MAMDC2: variants seen among roughly 807,000 people sequenced by gnomAD.
MAMDC2 encodes MAM domain-containing protein 2.
MAMDC2 carries 57 observed loss-of-function variants against 89.8 expected under a neutral mutation model. The observed-to-expected ratio is 0.63, with a 90% CI of 0.51 to 0.79. The LOEUF (loss-of-function observed/expected upper bound fraction) is 0.79. Among genes scored for constraint, MAMDC2 ranks in the 30% least tolerant of loss-of-function variants. The pLI is 0.00. For synonymous variants in MAMDC2, 313 were observed against 293.4 expected (o/e 1.07, Z -0.68); for missense variants, 800 against 820.6 (o/e 0.97, Z 0.31).
At chr9:70,104,431 T>A (rs966402775) in intron 2 of MAMDC2, among the ~76,000 whole-genome samples, 1 of 152,196 alleles carries the variant, frequency 6.6e-6, no homozygotes, top group African/African-American at 2.4e-5. Context: ...GCCTAACAAT[T>A]CCACTCCTAG....
chr9:70,141,122 A>G (rs1345821532), intron 8 of MAMDC2, among the ~76,000 whole-genome samples: 1 of 152,210 alleles, frequency 6.6e-6, no homozygotes, highest in East Asian at 1.9e-4. Context: ...TACCAGCCTG[A>G]GAAAGGCCTT....
At chr9:70,050,339 G>A (rs540129216) in intron 2 of MAMDC2, among the ~76,000 whole-genome samples, 41 of 152,256 alleles carry the variant, frequency 2.7e-4, no homozygotes, top group African/African-American at 8.7e-4. Context: ...GTTTTCCTAC[G>A]TGCTCCTGGT....
Position 70,125,532 on chromosome 9 carries a change from A to G in MAMDC2, c.644-627A>G, listed in dbSNP as rs527316081. On this transcript the variant is annotated intron_variant, in intron 5 of 13. Transcript: ENST00000377182. ...GCCAGCCTCTGGGTCCAGAGCCCAC[A>G]AAGACCTGCCAAGAGTGGTACCACA... Among the ~76,000 whole-genome samples, 15 of 152,340 alleles carry G rather than the reference A, an allele frequency of 9.8e-5. No homozygotes were observed. In the East Asian group the frequency reaches 2.1e-3, roughly 22 times the overall value.
intron 11 of MAMDC2, among the ~76,000 whole-genome samples, chr9:70,202,277 C>A (rs1177494676): frequency 2.0e-5 from 3 of 151,280 alleles, no homozygotes; most frequent in South Asian, 4.2e-4. Flanking sequence ...TGGTTTCAAA[C>A]AACATCTTTA....
Position 70,116,697 on chromosome 9 carries a change from GAAA to G in MAMDC2, c.643+3580_643+3582del, listed in dbSNP as rs34849432. Among the ~76,000 whole-genome samples the G allele has an allele frequency of 1.8e-3, 205 of 112,862 alleles. 1 individual carries two copies. Among genetic ancestry groups the G allele is most frequent in the African/African-American group, 6.5e-3 (181 of 27,670 alleles). 74.0% of individuals were successfully genotyped at this position (112,862 alleles called of 152,430 possible). A position where few individuals can be genotyped will look rare whatever the true frequency, so the allele number is the denominator to read the frequency against. On this transcript the variant is annotated intron_variant, in intron 5 of 13. Coordinates refer to ENST00000377182, the MANE Select transcript of MAMDC2 (RefSeq NM_153267.5). ...TATAAGCACATAGCATTTGGCATTA[GAAA>G]AAAAAAAAAAAAAAGAGGACTAAAG...
chr9:70,051,175 A>G (rs1288777157), intron 2 of MAMDC2, among the ~76,000 whole-genome samples: 1 of 152,052 alleles, frequency 6.6e-6, no homozygotes, highest in Non-Finnish European at 1.5e-5. Flanking sequence ...ATTTAACCCA[A>G]CTGGGGTGGT....
At chr9:70,174,932 G>A (rs2032451656) in intron 11 of MAMDC2, among the ~76,000 whole-genome samples, 1 of 152,038 alleles carries the variant, frequency 6.6e-6, no homozygotes, top group Non-Finnish European at 1.5e-5. Context: ...TGCCGTGTTG[G>A]TCAGACTGGT....
At chr9:70,156,512 G>T (rs1412815634) in intron 9 of MAMDC2, among the ~76,000 whole-genome samples, 1 of 152,186 alleles carries the variant, frequency 6.6e-6, no homozygotes, top group Non-Finnish European at 1.5e-5. Flanking sequence ...CACTGGAAGA[G>T]AACTGCTTCA....
At chr9:70,117,719 T>C (rs1055353028) in intron 5 of MAMDC2, among the ~76,000 whole-genome samples, 2 of 152,154 alleles carry the variant, frequency 1.3e-5, no homozygotes, top group Non-Finnish European at 2.9e-5. Context: ...AGTAAACTAA[T>C]CCTTGTATGG....
intron 2 of MAMDC2, chr9:70,087,375 G>A (rs2118160158): frequency 6.6e-6 from 1 of 152,262 alleles, no homozygotes; most frequent in South Asian, 2.1e-4. Flanking sequence ...CTCTTTGTAT[G>A]TCTTAGCTCT....
At chr9:70,140,697 A>G (rs1468516269) in intron 8 of MAMDC2, among the ~76,000 whole-genome samples, 1 of 152,186 alleles carries the variant, frequency 6.6e-6, no homozygotes, top group Non-Finnish European at 1.5e-5. Context: ...GGTGATGAAA[A>G]TGATCTGGAA....
At chr9:70,060,226 G>C (rs1827116639) in intron 2 of MAMDC2, among the ~76,000 whole-genome samples, 2 of 152,130 alleles carry the variant, frequency 1.3e-5, no homozygotes, top group Admixed American at 6.5e-5. Context: ...AGATTCTCCT[G>C]TGCCCAACAC....
intron 2 of MAMDC2, among the ~76,000 whole-genome samples, chr9:70,087,999 T>C (rs1827808296): frequency 6.6e-6 from 1 of 152,148 alleles, no homozygotes; most frequent in African/African-American, 2.4e-5. Flanking sequence ...ATCTAAATTT[T>C]TGGAGGCAAT....
chr9:70,204,977 C>T (rs2033193011), intron 11 of MAMDC2, among the ~76,000 whole-genome samples: 1 of 152,200 alleles, frequency 6.6e-6, no homozygotes, highest in Non-Finnish European at 1.5e-5. Flanking sequence ...GTGAGATGCA[C>T]CCGGTACCTC....
chr9:70,054,614 G>T (rs1339363818), intron 2 of MAMDC2, among the ~76,000 whole-genome samples: 1 of 151,864 alleles, frequency 6.6e-6, no homozygotes, highest in Non-Finnish European at 1.5e-5. Context: ...TTAGGAAGGG[G>T]GGACTTGAGC....
At position 70,222,216 on chromosome 9, in the gene MAMDC2, A is replaced by G. The variant is rs149125320; in HGVS notation, c.1912-3534A>G. 5.7e-3 allele frequency among the ~76,000 whole-genome samples: 863 copies of G among 152,336 alleles called. 10 individuals are homozygous for G. The highest frequency in any genetic ancestry group is 0.02 in the African/African-American group (834 of 41,574). On this transcript the variant is annotated intron_variant, in intron 12 of 13. Transcript: ENST00000377182. ...GCTAAAATGAATTGAGATATCATTTATTGAGATGAGGAAGAGTTGAGACAG... is the reference window on the plus strand; with the variant it reads ...GCTAAAATGAATTGAGATATCATTTGTTGAGATGAGGAAGAGTTGAGACAG...
chr9:70,144,673 G>A (rs2031340078), intron 9 of MAMDC2, among the ~76,000 whole-genome samples: 1 of 152,200 alleles, frequency 6.6e-6, no homozygotes, highest in Admixed American at 6.5e-5. Flanking sequence ...AATAAACATT[G>A]TTGAATGAAG....
At chr9:70,075,680 T>C (rs1827513942) in intron 2 of MAMDC2, among the ~76,000 whole-genome samples, 2 of 152,200 alleles carry the variant, frequency 1.3e-5, no homozygotes, top group Admixed American at 1.3e-4. Context: ...GCATTGGCCC[T>C]GGGATGCAGC....
chr9:70,188,761 G>GTTTT (rs2032814819), intron 11 of MAMDC2: 1 of 15,030 alleles, frequency 6.7e-5, no homozygotes. Flanking sequence ...CAAAACAATT[G>GTTTT]ATTTTTTTTT....
Sources: gnomAD v4.1 joint callset for allele counts (sites outside exome capture counted in the v4.1 genomes callset) on GRCh38, gnomAD v4.1.1 for gene constraint, MANE v1.5 for transcripts, NCBI Gene and HGNC (gene_info 2026-07-23, HGNC 2026-07-21) for gene names.